The following PRKX variants were observed in gnomAD, a reference collection of about 807,000 sequenced individuals.
PRKX encodes cAMP-dependent protein kinase catalytic subunit PRKX.
Under a neutral mutation model 22.0 loss-of-function variants are expected in PRKX, and 12 were observed. The ratio of observed to expected loss-of-function variants is 0.54; its 90% CI spans 0.35 to 0.88. The LOEUF is 0.88. PRKX is among the 40% of genes least tolerant of loss of function. The pLI is 0.01. For synonymous variants in PRKX, 134 were observed against 137.7 expected (o/e 0.97, Z 0.19); for missense variants, 217 against 308.0 (o/e 0.70, Z 2.21).
At chrX:3,682,230 C>A (rs1375866676) in intron 1 of PRKX, among the ~76,000 whole-genome samples, 1 of 110,716 alleles carries the variant, frequency 9.0e-6, no homozygotes, top group Non-Finnish European at 1.9e-5. Flanking sequence ...ACCATCTGAG[C>A]CCAGTTCTTC....
intron 2 of PRKX, among the ~76,000 whole-genome samples, chrX:3,667,031 CTA>C (rs1348053708): frequency 5.5e-5 from 6 of 109,607 alleles, no homozygotes; most frequent in Non-Finnish European, 1.1e-4. Context: ...ATCTATGAAT[CTA>C]TGAACGGGGG....
At chrX:3,686,847 A>T (rs1928189307) in intron 1 of PRKX, among the ~76,000 whole-genome samples, 1 of 111,522 alleles carries the variant, frequency 9.0e-6, no homozygotes, top group Admixed American at 9.6e-5. Context: ...GTGAGCCATC[A>T]CGCAGACCAA....
rs769680267 is a variant in PRKX at position 3,675,752 on chromosome X, A to G, written c.167-986T>C. 2.7e-5 allele frequency among the ~76,000 whole-genome samples: 3 copies of G among 110,747 alleles called. No homozygotes were observed. In the East Asian group the frequency reaches 8.5e-4, roughly 31 times the overall value. ...CCTCTTCCTGTAACACACTGATCCT[A>G]CAAGGTGTGCACGTGTTCACGCACA... is the stretch of plus-strand genomic sequence containing the variant. On this transcript the variant is annotated intron_variant, in intron 1 of 8. Coordinates refer to ENST00000262848, the MANE Select transcript of PRKX (RefSeq NM_005044.5).
At chrX:3,665,337 G>A (rs1038904258) in intron 2 of PRKX, among the ~76,000 whole-genome samples, 2 of 110,965 alleles carry the variant, frequency 1.8e-5, no homozygotes, top group African/African-American at 6.6e-5. Flanking sequence ...TTAGCTGGGG[G>A]TGGTGGTGCA....
At chrX:3,656,608 C>T (rs752585303) in intron 2 of PRKX, among the ~76,000 whole-genome samples, 1 of 110,971 alleles carries the variant, frequency 9.0e-6, no homozygotes, top group Admixed American at 9.6e-5. Context: ...TGTGACTCTA[C>T]AGGTATAGAC....
chrX:3,679,817 G>A (rs1302107443), intron 1 of PRKX, among the ~76,000 whole-genome samples: 5 of 111,993 alleles, frequency 4.5e-5, no homozygotes, highest in Non-Finnish European at 9.4e-5. Flanking sequence ...AGGTGGGCAC[G>A]CCCTTTTTAT....
intron 1 of PRKX, among the ~76,000 whole-genome samples, chrX:3,687,694 A>C (rs1438698704): frequency 1.8e-5 from 2 of 111,186 alleles, no homozygotes; most frequent in African/African-American, 3.3e-5. Context: ...CTAAAAAAAA[A>C]CAGGATGCAC....
At chrX:3,692,616 C>T (rs1374592515) in intron 1 of PRKX, among the ~76,000 whole-genome samples, 2 of 107,162 alleles carry the variant, frequency 1.9e-5, no homozygotes. Flanking sequence ...CAAGCTCCGT[C>T]TCCCAGGTTC....
At chrX:3,690,410 A>C (rs1018269758) in intron 1 of PRKX, among the ~76,000 whole-genome samples, 1 of 112,704 alleles carries the variant, frequency 8.9e-6, no homozygotes, top group African/African-American at 3.2e-5. Context: ...TCCGATGTAC[A>C]GTGTATTAAA....
At chrX:3,711,854 AAG>A (rs1253541513) in intron 1 of PRKX, among the ~76,000 whole-genome samples, 2 of 109,670 alleles carry the variant, frequency 1.8e-5, no homozygotes, top group Non-Finnish European at 3.8e-5. Context: ...CAGAGACAGA[AAG>A]AGGGAGAGAG....
At chrX:3,646,735 A>G (rs1235746302) in intron 3 of PRKX, among the ~76,000 whole-genome samples, 1 of 110,339 alleles carries the variant, frequency 9.1e-6, no homozygotes, top group African/African-American at 3.3e-5. Flanking sequence ...AGTTCCTAGA[A>G]CTGTCTGATG....
At chrX:3,625,228 T>C (rs1926636777) in intron 5 of PRKX, among the ~76,000 whole-genome samples, 1 of 111,595 alleles carries the variant, frequency 9.0e-6, no homozygotes, top group Non-Finnish European at 1.9e-5. Context: ...CCTTATCTTC[T>C]GTTCAGACTA....
At chrX:3,674,918 C>G in intron 1 of PRKX, 152 bp from the exon 2 acceptor site, 2 of 590,804 alleles carry the variant, frequency 3.4e-6, no homozygotes, top group Non-Finnish European at 5.4e-6. Flanking sequence ...TGCACGTGGG[C>G]TGATGGCATT....
At chrX:3,667,829 C>T (rs1471913790) in intron 2 of PRKX, 6 of 110,919 alleles carry the variant, frequency 5.4e-5, no homozygotes, top group African/African-American at 2.0e-4. Flanking sequence ...CCTCCTGCCC[C>T]GTAGTGACCC....
intron 4 of PRKX, among the ~76,000 whole-genome samples, chrX:3,634,158 G>A (rs1439339315): frequency 9.0e-6 from 1 of 110,919 alleles, no homozygotes; most frequent in East Asian, 2.8e-4. Context: ...GCTGAGGCAG[G>A]AGAATTGCTT....
In PRKX at chrX:3,613,150, C is replaced by CAAAAAAAAAAAAAAAAAAAAAAAAA. The variant is rs528688936; in HGVS notation, c.952-850_952-826dup. Among the ~76,000 whole-genome samples, 12 of 54,324 alleles carry CAAAAAAAAAAAAAAAAAAAAAAAAA rather than the reference C, an allele frequency of 2.2e-4. 1 individual carries two copies. Among genetic ancestry groups the CAAAAAAAAAAAAAAAAAAAAAAAAA allele is most frequent in the Non-Finnish European group, 3.8e-4 (10 of 26,551 alleles). 47.2% of individuals were successfully genotyped at this position (54,324 alleles called of 115,157 possible). On this transcript the variant is annotated intron_variant, in intron 7 of 8. Transcript: ENST00000262848. ...TGGGCAACGGAGCAAGACTTCGTCT[C>CAAAAAAAAAAAAAAAAAAAAAAAAA]AAAAAAAAAAAAAAAAAAAAAAAAA...
At chrX:3,631,074 A>G (rs1926770401) in intron 4 of PRKX, among the ~76,000 whole-genome samples, 1 of 112,402 alleles carries the variant, frequency 8.9e-6, no homozygotes, top group Admixed American at 9.5e-5. Flanking sequence ...AATACCTTAT[A>G]AAACGGAGCT....
chrX:3,616,170 C>T (rs1382518210), intron 6 of PRKX, among the ~76,000 whole-genome samples: 1 of 111,417 alleles, frequency 9.0e-6, no homozygotes, highest in Non-Finnish European at 1.9e-5. Context: ...AAGGTAAATA[C>T]GATTCCATCT....
At chrX:3,626,006 G>A (rs1926653182) in intron 5 of PRKX, among the ~76,000 whole-genome samples, 1 of 112,187 alleles carries the variant, frequency 8.9e-6, no homozygotes, top group African/African-American at 3.2e-5. Flanking sequence ...AAATGTTGAC[G>A]TTAAAAAGGA....
Sources: gnomAD v4.1 joint callset for allele counts (sites outside exome capture counted in the v4.1 genomes callset) on GRCh38, gnomAD v4.1.1 for gene constraint, MANE v1.5 for transcripts, NCBI Gene and HGNC (gene_info 2026-07-23, HGNC 2026-07-21) for gene names.